The following PDE2A variants were observed in gnomAD, a reference collection of about 807,000 sequenced individuals.
The protein encoded by PDE2A is phosphodiesterase 2A.
Under a neutral mutation model 133.6 loss-of-function variants are expected in PDE2A, and 53 were observed. The observed-to-expected ratio is 0.40, with a 90% CI of 0.32 to 0.50. The LOEUF is 0.50. PDE2A is among the 20% of genes least tolerant of loss of function. The pLI is 0.73. For missense variants in PDE2A, 796 were observed against 1,232.4 expected, an observed-to-expected ratio of 0.65 and a Z score of 5.30; for synonymous variants, 491 against 490.2, an observed-to-expected ratio of 1.00 and a Z score of -0.02.
intron 2 of PDE2A, among the ~76,000 whole-genome samples, chr11:72,623,736 G>C (rs1408148481): frequency 6.6e-6 from 1 of 152,084 alleles, no homozygotes. Context: ...TTGTTCTCTG[G>C]TTTTCCCTCT....
At chr11:72,623,139 T>G (rs1640898261) in intron 2 of PDE2A, among the ~76,000 whole-genome samples, 1 of 152,132 alleles carries the variant, frequency 6.6e-6, no homozygotes, top group South Asian at 2.1e-4. Flanking sequence ...CTCACCATCC[T>G]ACACAGGCCA....
chr11:72,585,277 G>T (rs1855913352), intron 16 of PDE2A, 94 bp downstream of exon 16: 2 of 1,022,460 alleles, frequency 2.0e-6, no homozygotes, highest in Non-Finnish European at 3.0e-6. Flanking sequence ...CCCGCAGAAG[G>T]CAGAGAAAGG....
chr11:72,584,181 A>ACCCCCCC lies in PDE2A; in HGVS notation c.1650+19_1650+20insGGGGGGG. On this transcript the variant is annotated intron_variant, in intron 19 of 30. Transcript: ENST00000334456. ...CCCGCCCCCTATCACCCCACACCCCACTCCCAACCCCGCCCTCACATGGGC... is the reference window on the plus strand; with the variant it reads ...CCCGCCCCCTATCACCCCACACCCCACCCCCCCCTCCCAACCCCGCCCTCACATGGGC... 2.0e-6 allele frequency: 1 copy of ACCCCCCC among 500,240 alleles called. No homozygotes were observed. The highest frequency in any genetic ancestry group is 3.3e-6 in the Non-Finnish European group (1 of 307,334). The allele number at this position is 500,240 out of a possible 1,614,324, so 31.0% of individuals were successfully genotyped here.
intron 25 of PDE2A, 136 bp from the exon 26 acceptor site, chr11:72,579,744 G>A (rs1463906256): frequency 4.7e-6 from 3 of 634,292 alleles, no homozygotes; most frequent in South Asian, 3.8e-5. Context: ...GGAGTCAGGG[G>A]CCCCAGTTCC....
At position 72,579,521 on chromosome 11, in the gene PDE2A, C is replaced by A. The variant is rs1164347307; in HGVS notation, c.2256+13G>T. On this transcript the variant is annotated intron_variant, in intron 26 of 30. Coordinates refer to ENST00000334456, the MANE Select transcript of PDE2A (RefSeq NM_002599.5). ...CTCCCCCTCAATCCCCACCCCACCC[C>A]CAACCCCATCACCTTCCGGGAGAAA... is the stretch of plus-strand genomic sequence containing the variant. 6.4e-7 allele frequency: 1 copy of A among 1,550,478 alleles called. No homozygotes were observed. Among genetic ancestry groups the A allele is most frequent in the Admixed American group, 1.7e-5 (1 of 58,566 alleles).
intron 2 of PDE2A, among the ~76,000 whole-genome samples, chr11:72,618,190 G>A (rs918279956): frequency 1.3e-5 from 2 of 152,234 alleles, no homozygotes; most frequent in African/African-American, 4.8e-5. Flanking sequence ...AAGGAGCTGA[G>A]GGTGAGGAGC....
rs428355 is a variant in PDE2A, at chr11:72,661,422, G to A, written c.71+12715C>T. Among the ~76,000 whole-genome samples, 446 of 151,986 alleles carry A rather than the reference G, an allele frequency of 2.9e-3. 3 individuals carry two copies. The highest frequency in any genetic ancestry group is 0.01 in the African/African-American group (426 of 41,466). On this transcript the variant is annotated intron_variant, in intron 1 of 30. Coordinates refer to ENST00000334456, the MANE Select transcript of PDE2A (RefSeq NM_002599.5). Reference sequence around the variant, plus strand: ...TGCCTCTGTCCAGTTTTTTGGGGGGGTTTTTTGGCCCTAATCACCCACTCA... The same window carrying A: ...TGCCTCTGTCCAGTTTTTTGGGGGGATTTTTTGGCCCTAATCACCCACTCA...
chr11:72,664,020 G>A (rs1855154647), intron 1 of PDE2A, among the ~76,000 whole-genome samples: 1 of 152,210 alleles, frequency 6.6e-6, no homozygotes, highest in Non-Finnish European at 1.5e-5. Flanking sequence ...TGAGGGTCAG[G>A]GTACTGGCAG....
chr11:72,615,044 G>T, intron 2 of PDE2A: 3 of 435,364 alleles, frequency 6.9e-6, no homozygotes, highest in East Asian at 6.7e-5. Flanking sequence ...CCCACCCTTC[G>T]CAGACTCCGG....
chr11:72,577,141 C>A lies in PDE2A; in HGVS notation c.*243G>T. 1.9e-6 allele frequency: 1 copy of A among 520,164 alleles called. No individual in the cohort carries two copies. Among genetic ancestry groups the A allele is most frequent in the Non-Finnish European group, 3.4e-6 (1 of 291,306 alleles). 32.2% of individuals were successfully genotyped at this position (520,164 alleles called of 1,614,324 possible). ...GTGGTCAGAGGTGCAGAGTAGGGCC[C>A]ACTGCTCATTGGTCACCCCTGTGCT... On this transcript the variant is annotated 3_prime_UTR_variant, in exon 31 of 31. Coordinates refer to ENST00000334456, the MANE Select transcript of PDE2A (RefSeq NM_002599.5).
intron 3 of PDE2A, among the ~76,000 whole-genome samples, chr11:72,607,560 TC>T (rs2135357540): frequency 6.6e-6 from 1 of 152,240 alleles, no homozygotes; most frequent in Non-Finnish European, 1.5e-5. Flanking sequence ...GCTCTGAACT[TC>T]TAGGAGGTTT....
chr11:72,652,456 G>T, intron 1 of PDE2A: 1 of 453,794 alleles, frequency 2.2e-6, no homozygotes, highest in Non-Finnish European at 4.4e-6. Flanking sequence ...TATGGCCCCT[G>T]GTCCTCCCTA....
In PDE2A at chr11:72,580,879, G is replaced by A. The variant is rs574790984; in HGVS notation, c.2133+7C>T. 7.7e-5 allele frequency: 119 copies of A among 1,550,854 alleles called. 2 individuals are homozygous for A. The South Asian group carries it at 1.3e-3, about 17-fold the overall frequency. On this transcript the variant is annotated splice_region_variant and intron_variant, in intron 24 of 30. Transcript: ENST00000334456. ...GGGTCCCCACTGTGAGCAGGGCAGG[G>A]TCTTACCGAGGCCACCTGGAAAGAG...
chr11:72,630,797 G>C (rs1264063927), intron 2 of PDE2A, among the ~76,000 whole-genome samples: 12 of 152,154 alleles, frequency 7.9e-5, no homozygotes, highest in African/African-American at 2.9e-4. Flanking sequence ...AGAATCAACG[G>C]GAATTGTTGG....
chr11:72,672,001 C>T (rs1006412649), intron 1 of PDE2A, among the ~76,000 whole-genome samples: 4 of 152,090 alleles, frequency 2.6e-5, no homozygotes, highest in Admixed American at 6.5e-5. Context: ...GCCACCTAGA[C>T]ATTCCCTTCC....
At chr11:72,599,720 TAA>T (rs1288707125) in intron 4 of PDE2A, among the ~76,000 whole-genome samples, 1 of 152,192 alleles carries the variant, frequency 6.6e-6, no homozygotes. Flanking sequence ...GCATTCTACT[TAA>T]AGTCTCTCAT....
chr11:72,629,135 A>G (rs1858242715), intron 2 of PDE2A, among the ~76,000 whole-genome samples: 1 of 152,212 alleles, frequency 6.6e-6, no homozygotes, highest in South Asian at 2.1e-4. Context: ...AGGCAGCAGG[A>G]CCCAGCTCAA....
At chr11:72,632,289 C>G (rs528559762) in intron 2 of PDE2A, among the ~76,000 whole-genome samples, 75 of 152,258 alleles carry the variant, frequency 4.9e-4, no homozygotes, top group African/African-American at 1.7e-3. Context: ...GTGGTGTGGC[C>G]GAAGCAGGGC....
intron 16 of PDE2A, 88 bp from the exon 17 acceptor site, chr11:72,585,032 C>T: frequency 2.2e-6 from 3 of 1,347,788 alleles, no homozygotes; most frequent in South Asian, 2.4e-5. Context: ...GCCGGATTTC[C>T]GAGGCCTGGG....
Sources: allele counts gnomAD v4.1 joint callset (sites outside exome capture counted in the v4.1 genomes callset), GRCh38; gene constraint gnomAD v4.1.1; transcripts MANE v1.5; gene names NCBI Gene and HGNC (gene_info 2026-07-23, HGNC 2026-07-21).